NAV2: variants seen among roughly 807,000 people sequenced by gnomAD.
The protein encoded by NAV2 is neuron navigator 2.
In NAV2, 54 loss-of-function variants were observed where a neutral mutation model predicts 223.2. The observed-to-expected ratio is 0.24, with a 90% CI of 0.19 to 0.30. NAV2 has a LOEUF of 0.30. Among genes scored for constraint, NAV2 ranks in the 10% least tolerant of loss-of-function variants. The pLI, the probability that NAV2 is intolerant of heterozygous loss-of-function variation, is 1.00. For synonymous variants in NAV2, 1,279 were observed against 1,239.3 expected, an observed-to-expected ratio of 1.03 and a Z score of -0.67; for missense variants, 2,806 against 3,147.5, an observed-to-expected ratio of 0.89 and a Z score of 2.60.
intron 37 of NAV2, among the ~76,000 whole-genome samples, chr11:20,117,329 T>A (rs1320358899): frequency 6.6e-6 from 1 of 152,178 alleles, no homozygotes; most frequent in African/African-American, 2.4e-5. Flanking sequence ...CAGATGACAT[T>A]TATTAAGCGC....
intron 11 of NAV2, among the ~76,000 whole-genome samples, chr11:19,987,975 A>G (rs2050948379): frequency 6.6e-6 from 1 of 152,236 alleles, no homozygotes. Context: ...GAAATATGGC[A>G]AGGAGGGCCA....
chr11:19,546,918 A>C (rs570139378), intron 1 of NAV2, among the ~76,000 whole-genome samples: 7 of 152,290 alleles, frequency 4.6e-5, no homozygotes, highest in African/African-American at 1.7e-4. Flanking sequence ...CATTTTTTAC[A>C]TCAGGGTCTG....
chr11:19,887,853 C>G (rs180861584), intron 5 of NAV2, among the ~76,000 whole-genome samples: 1 of 152,134 alleles, frequency 6.6e-6, no homozygotes, highest in African/African-American at 2.4e-5. Context: ...TGACCGCCCC[C>G]CGCCAAACCC....
chr11:20,016,080 T>A (rs921443733), intron 11 of NAV2, among the ~76,000 whole-genome samples: 1 of 152,216 alleles, frequency 6.6e-6, no homozygotes, highest in Admixed American at 6.5e-5. Context: ...GTTCTTAGAA[T>A]TAAATGAGAT....
upstream of NAV2, among the ~76,000 whole-genome samples, chr11:19,346,027 C>A (rs1852986452): frequency 6.6e-6 from 1 of 151,872 alleles, no homozygotes; most frequent in African/African-American, 2.4e-5. Context: ...TGTTTTCGGT[C>A]TGTGTGTCCT....
intron 11 of NAV2, among the ~76,000 whole-genome samples, chr11:19,997,773 G>A (rs534944184): frequency 2.6e-5 from 4 of 152,284 alleles, no homozygotes; most frequent in Admixed American, 6.5e-5. Flanking sequence ...GCAGGCCGCT[G>A]TTGACTAGTC....
intron 36 of NAV2, among the ~76,000 whole-genome samples, chr11:20,108,606 C>CTTTTTTT (rs5790107): frequency 8.2e-6 from 1 of 121,758 alleles, no homozygotes. Flanking sequence ...CCACACCTGG[C>CTTTTTTT]TTTTTTTTTT....
At chr11:19,437,545 G>A (rs1851257249) in intron 1 of NAV2, among the ~76,000 whole-genome samples, 1 of 151,938 alleles carries the variant, frequency 6.6e-6, no homozygotes, top group African/African-American at 2.4e-5. Flanking sequence ...GAAAATACTG[G>A]GGACAATAGT....
chr11:19,765,333 CCTTCCTCCT>C (rs1239221404), intron 1 of NAV2, among the ~76,000 whole-genome samples: 1 of 151,856 alleles, frequency 6.6e-6, no homozygotes, highest in East Asian at 1.9e-4. Context: ...CCTTCCTCAT[CCTTCCTCCT>C]CTTCCTCCTC....
At chr11:19,936,685 C>T (rs1489603280) in intron 7 of NAV2, among the ~76,000 whole-genome samples, 1 of 152,194 alleles carries the variant, frequency 6.6e-6, no homozygotes, top group African/African-American at 2.4e-5. Flanking sequence ...GCACTGGCTG[C>T]AGGAACAGGT....
chr11:19,345,267 A>G, the NAV2 span, among the ~76,000 whole-genome samples: 1 of 152,174 alleles, frequency 6.6e-6, no homozygotes, highest in Admixed American at 6.5e-5. The surrounding 1 kb of genome is among the most constrained non-coding windows in gnomAD (Gnocchi z 5.2). Context: ...GTGCAGTGCG[A>G]GACCGGCTGG....
rs1391369883 is a variant in NAV2, at chr11:19,876,928, A to G, written c.512-2941A>G. 4.8e-5 allele frequency among the ~76,000 whole-genome samples: 7 copies of G among 145,314 alleles called. No homozygotes were observed. The Admixed American group carries it at 4.9e-4, about 10-fold the overall frequency. On this transcript the variant is annotated intron_variant, in intron 4 of 37. Transcript: ENST00000349880. ...ATTTTATAAAATAAACATTAAATAT[A>G]TTTATATATATTTATATATTTATTT...
intron 1 of NAV2, among the ~76,000 whole-genome samples, chr11:19,442,120 G>C (rs1401936925): frequency 2.0e-5 from 3 of 152,248 alleles, no homozygotes; most frequent in Admixed American, 2.0e-4. Flanking sequence ...TAGAAACAGG[G>C]ACTGCTGTGG....
At position 19,939,662 on chromosome 11, in the gene NAV2, T is replaced by C; in HGVS notation, c.2035T>C (p.Ser679Pro). The C allele has an allele frequency of 6.2e-7, 1 of 1,613,690 alleles. No homozygotes were observed. The highest frequency in any genetic ancestry group is 1.1e-5 in the South Asian group (1 of 91,048). Residue 679 changes from serine to proline, a missense_variant and splice_region_variant, in exon 8 of 38, where the codon TCT (serine) becomes CCT (proline). By Grantham distance (74) the Ser-to-Pro change is moderately conservative (BLOSUM62 -1). Around this residue, in one of 4 missense-constraint regions of NAV2, gnomAD observed 1,167 missense variants for 1,180.5 expected, o/e 0.99. Transcript: ENST00000349880. ...TATVAPFLYR[S>P]QTDTEGNVTA... ...GTCTGCTTCGGTTTGTGTGTGAAGG[T>C]CTCAGACGGACACTGAAGGGAATGT...
intron 7 of NAV2, among the ~76,000 whole-genome samples, chr11:19,935,749 T>A (rs58127986): frequency 3.3e-5 from 5 of 151,924 alleles, no homozygotes; most frequent in African/African-American, 1.2e-4. Flanking sequence ...CTCATTTTAT[T>A]GAATCAAGTC....
chr11:19,477,432 A>G (rs998630771), intron 1 of NAV2, among the ~76,000 whole-genome samples: 5 of 152,240 alleles, frequency 3.3e-5, no homozygotes, highest in African/African-American at 9.6e-5. Flanking sequence ...CCTCTGAGGT[A>G]TAAGTTCCTA....
intron 1 of NAV2, among the ~76,000 whole-genome samples, chr11:19,643,766 T>A (rs1336904540): frequency 6.6e-6 from 1 of 152,206 alleles, no homozygotes; most frequent in Admixed American, 6.5e-5. Context: ...GTTGAACTAG[T>A]TTACAGTCCC....
intron 10 of NAV2, among the ~76,000 whole-genome samples, chr11:19,954,055 A>G (rs2047623804): frequency 1.3e-5 from 2 of 152,182 alleles, no homozygotes; most frequent in Admixed American, 6.5e-5. Context: ...ATGAAGCTCA[A>G]TGGTTCTATT....
intron 1 of NAV2, among the ~76,000 whole-genome samples, chr11:19,805,875 T>C (rs2058532461): frequency 6.6e-6 from 1 of 152,106 alleles, no homozygotes; most frequent in African/African-American, 2.4e-5. Context: ...TATCCCAGAG[T>C]CACCAGGTCA....
Sources: gnomAD v4.1 joint callset for allele counts (sites outside exome capture counted in the v4.1 genomes callset) on GRCh38, gnomAD v4.1.1 for gene constraint, gnomAD v4.1.1 regional missense constraint, Gnocchi (gnomAD v3.1) non-coding constraint, MANE v1.5 for transcripts, NCBI Gene and HGNC (gene_info 2026-07-23, HGNC 2026-07-21) for gene names.